The following PCDH17 variants were observed in gnomAD, a reference collection of about 807,000 sequenced individuals.
PCDH17 encodes protocadherin-17.
In PCDH17, 21 loss-of-function variants were observed where a neutral mutation model predicts 67.7. That is an observed-to-expected ratio of 0.31 (90% CI 0.22 to 0.45). PCDH17 has a LOEUF of 0.45. PCDH17 is among the 20% of genes least tolerant of loss of function. PCDH17 has a pLI of 1.00. For missense variants in PCDH17, 1,471 were observed against 1,564.8 expected, an observed-to-expected ratio of 0.94 and a Z score of 1.01; for synonymous variants, 701 against 656.7, an observed-to-expected ratio of 1.07 and a Z score of -1.03.
rs1272936291 is a variant in PCDH17, at chr13:57,633,212, A to G, written c.666A>G (p.Pro222=). 4 of 1,612,984 alleles carry G rather than the reference A, an allele frequency of 2.5e-6. No individual in the cohort carries two copies. The highest frequency in any genetic ancestry group is 2.2e-5 in the South Asian group (2 of 91,060). Residue 222 remains proline, a synonymous_variant, in exon 1 of 4, where the codon CCA becomes CCG. Transcript: ENST00000377918. The surrounding 1 kb of genome is among the most constrained non-coding windows in gnomAD (Gnocchi z 6.2). ...VLTALDGGEP[P]RSATVQINVK... ...CTGCCCTGGACGGTGGCGAGCCTCC[A>G]CGTTCCGCCACCGTACAGATCAACG...
intron 3 of PCDH17, among the ~76,000 whole-genome samples, chr13:57,699,074 A>T (rs1013070655): frequency 7.5e-6 from 1 of 133,318 alleles, no homozygotes; most frequent in African/African-American, 2.7e-5. Flanking sequence ...TATTAGATTA[A>T]CACTAGGATC....
chr13:57,634,434 G>A lies in PCDH17; in HGVS notation c.1888G>A (p.Gly630Ser), dbSNP rs757889994. 1.2e-6 allele frequency: 2 copies of A among 1,612,730 alleles called. No individual in the cohort carries two copies. Among genetic ancestry groups the A allele is most frequent in the African/African-American group, 2.7e-5 (2 of 74,908 alleles). The stretch of plus-strand genomic sequence containing the variant: ...GCGTCTCACCTACGAGATCGTGGAC[G>A]GCAACGACGACCACCTGTTTGAGAT... ...SGRLTYEIVD[G>S]NDDHLFEIDP... Residue 630 changes from glycine to serine, a missense_variant, in exon 1 of 4, where the codon GGC (glycine) becomes AGC (serine). By Grantham distance (56) the Gly-to-Ser change is moderately conservative (BLOSUM62 0). This residue lies in a region of PCDH17 where 1,163 missense variants were observed against 1,230.0 expected (regional missense o/e 0.95). Transcript: ENST00000377918. This position sits in a 1 kb window ranked among gnomAD's most constrained non-coding sequence, Gnocchi z 7.8.
chr13:57,663,291 T>G (rs1955207252), intron 1 of PCDH17, among the ~76,000 whole-genome samples: 1 of 152,170 alleles, frequency 6.6e-6, no homozygotes, highest in African/African-American at 2.4e-5. Flanking sequence ...TCAAGCATTG[T>G]AAATATTCGT....
In PCDH17 at chr13:57,633,333, A is replaced by G; in HGVS notation, c.787A>G (p.Ile263Val). The G allele has an allele frequency of 6.2e-7, 1 of 1,613,272 alleles. No homozygotes were observed. Among genetic ancestry groups the G allele is most frequent in the Non-Finnish European group, 8.5e-7 (1 of 1,180,004 alleles). Residue 263 changes from isoleucine (I) to valine (V), a missense_variant, in exon 1 of 4, where the codon ATC (isoleucine) becomes GTC (valine). Around this residue, in one of 3 missense-constraint regions of PCDH17, gnomAD observed 1,163 missense variants for 1,230.0 expected, o/e 0.95. Coordinates refer to ENST00000377918, the MANE Select transcript of PCDH17 (RefSeq NM_001040429.3). The surrounding 1 kb of genome is among the most constrained non-coding windows in gnomAD (Gnocchi z 6.2). ...GAACGCTCCGCTGGGTACAGTGGTC[A>G]TCGATCTGAACGCCACCGACGCCGA... ...PENAPLGTVVIDLNATDADEG... is the reference protein window; with the variant it reads ...PENAPLGTVVVDLNATDADEG...
intron 3 of PCDH17, among the ~76,000 whole-genome samples, chr13:57,702,041 C>T (rs535756131): frequency 6.6e-6 from 1 of 151,864 alleles, no homozygotes; most frequent in East Asian, 1.9e-4. Context: ...CTTCAGTCTC[C>T]CGAGTAGCTG....
chr13:57,670,575 T>C (rs1749548563), intron 3 of PCDH17, among the ~76,000 whole-genome samples: 1 of 149,978 alleles, frequency 6.7e-6, no homozygotes, highest in Non-Finnish European at 1.5e-5. Flanking sequence ...TTTAAAAATA[T>C]ATATATTTTT....
chr13:57,639,161 T>C (rs1954860871), intron 1 of PCDH17, among the ~76,000 whole-genome samples: 1 of 151,954 alleles, frequency 6.6e-6, no homozygotes, highest in South Asian at 2.1e-4. Flanking sequence ...CTGGATTGTT[T>C]AGTTCACTCA....
chr13:57,670,503 AC>A (rs1955307191), intron 3 of PCDH17, among the ~76,000 whole-genome samples: 1 of 151,102 alleles, frequency 6.6e-6, no homozygotes, highest in South Asian at 2.1e-4. Context: ...GCAGTGCCTT[AC>A]ACAGATTTCA....
chr13:57,704,878 T>C (rs1194751137), intron 3 of PCDH17, among the ~76,000 whole-genome samples: 1 of 152,092 alleles, frequency 6.6e-6, no homozygotes, highest in Non-Finnish European at 1.5e-5. Flanking sequence ...CTGCACTTGC[T>C]AAGGACATGT....
At chr13:57,713,195 G>A (rs979456637) in intron 3 of PCDH17, among the ~76,000 whole-genome samples, 1 of 151,578 alleles carries the variant, frequency 6.6e-6, no homozygotes, top group Non-Finnish European at 1.5e-5. Context: ...GTGTTTTAAT[G>A]ATTACAAAAC....
chr13:57,716,775 G>A (rs1012953964), intron 3 of PCDH17, among the ~76,000 whole-genome samples: 3 of 151,796 alleles, frequency 2.0e-5, no homozygotes, highest in Non-Finnish European at 2.9e-5. Flanking sequence ...ATAGACCTAG[G>A]TTTATTTACC....
At chr13:57,668,856 T>C (rs1955287368) in intron 3 of PCDH17, among the ~76,000 whole-genome samples, 1 of 152,108 alleles carries the variant, frequency 6.6e-6, no homozygotes. Flanking sequence ...TATATTTTTA[T>C]TATACTTTAA....
chr13:57,681,570 C>T (rs1264199429), intron 3 of PCDH17, among the ~76,000 whole-genome samples: 1 of 151,718 alleles, frequency 6.6e-6, no homozygotes, highest in East Asian at 1.9e-4. Flanking sequence ...CTGCAGTTAA[C>T]CCTGGTCAGT....
At position 57,648,091 on chromosome 13, in the gene PCDH17, G is replaced by A. The variant is rs997163621; in HGVS notation, c.2565+12980G>A. Among the ~76,000 whole-genome samples the A allele has an allele frequency of 2.0e-5, 3 of 151,708 alleles. No individual in the cohort carries two copies. In the East Asian group the frequency reaches 5.8e-4, roughly 29 times the overall value. On this transcript the variant is annotated intron_variant, in intron 1 of 3. Transcript: ENST00000377918. ...ATTATTTAACTAGAGAAATCAAATC[G>A]CCAAGGAGACATCTGTTATTTAACG...
At chr13:57,642,550 A>G (rs930980218) in intron 1 of PCDH17, among the ~76,000 whole-genome samples, 3 of 151,610 alleles carry the variant, frequency 2.0e-5, no homozygotes, top group Non-Finnish European at 4.4e-5. Context: ...TTTTAGATAT[A>G]TTTCATTCAG....
rs764582720 is a variant in PCDH17, at chr13:57,633,221, C to T, written c.675C>T (p.Ala225=). The part of the protein sequence containing the change: ...ALDGGEPPRS[A]TVQINVKVID... Reference sequence around the variant, plus strand: ...ACGGTGGCGAGCCTCCACGTTCCGCCACCGTACAGATCAACGTGAAGGTGA... The same window carrying T: ...ACGGTGGCGAGCCTCCACGTTCCGCTACCGTACAGATCAACGTGAAGGTGA... Residue 225 remains alanine (A), a synonymous_variant, in exon 1 of 4, where the codon GCC becomes GCT. Transcript: ENST00000377918. The surrounding 1 kb of genome is among the most constrained non-coding windows in gnomAD (Gnocchi z 6.2). 4.3e-6 allele frequency: 7 copies of T among 1,613,308 alleles called. No individual in the cohort carries two copies. The South Asian group carries it at 5.5e-5, about 13-fold the overall frequency.
At position 57,725,340 on chromosome 13, in the gene PCDH17, T is replaced by G. The variant is rs1955907813; in HGVS notation, c.*46T>G. On this transcript the variant is annotated 3_prime_UTR_variant, in exon 4 of 4. Coordinates refer to ENST00000377918, the MANE Select transcript of PCDH17 (RefSeq NM_001040429.3). ...ATTGGCATTTTCTTGTCTCTTCTGT[T>G]GATTTAAAAATGATCCCTCCTGGTG... 3 of 1,524,400 alleles carry G rather than the reference T, an allele frequency of 2.0e-6. No individual in the cohort carries two copies. The highest frequency in any genetic ancestry group is 1.4e-5 in the African/African-American group (1 of 71,950). 94.4% of individuals were successfully genotyped at this position (1,524,400 alleles called of 1,614,324 possible).
chr13:57,693,338 A>ATATATATT lies in PCDH17; in HGVS notation c.2797+26512_2797+26513insTTATATAT, dbSNP rs1401987726. On this transcript the variant is annotated intron_variant, in intron 3 of 3. Transcript: ENST00000377918. ...TTCATATATATATATATATATATATATATATATCAAGGAGTTAGGATACAA... is the reference window on the plus strand; with the variant it reads ...TTCATATATATATATATATATATATATATATATTTATATATCAAGGAGTTAGGATACAA... Among the ~76,000 whole-genome samples, 206 of 142,122 alleles carry ATATATATT rather than the reference A, an allele frequency of 1.4e-3. 5 individuals carry two copies. The highest frequency in any genetic ancestry group is 5.1e-3 in the African/African-American group (201 of 39,360). 93.2% of individuals were successfully genotyped at this position (142,122 alleles called of 152,430 possible).
intron 3 of PCDH17, among the ~76,000 whole-genome samples, chr13:57,716,705 A>C (rs1238818709): frequency 6.6e-6 from 1 of 151,916 alleles, no homozygotes; most frequent in African/African-American, 2.4e-5. Flanking sequence ...GTTTCCAATC[A>C]AAGTTTAAAC....
Sources: allele counts gnomAD v4.1 joint callset (sites outside exome capture counted in the v4.1 genomes callset), GRCh38; gene constraint gnomAD v4.1.1; regional missense constraint gnomAD v4.1.1; non-coding constraint Gnocchi (gnomAD v3.1); transcripts MANE v1.5; gene names NCBI Gene and HGNC (gene_info 2026-07-23, HGNC 2026-07-21).